GSE1: variants seen among roughly 807,000 people sequenced by gnomAD.
The protein encoded by GSE1 is Gse1 coiled-coil protein.
A neutral mutation model predicts 112.6 loss-of-function variants in GSE1; 32 were observed. The ratio of observed to expected loss-of-function variants is 0.28; its 90% CI spans 0.21 to 0.38. GSE1 has a LOEUF of 0.38. Among genes scored for constraint, GSE1 ranks in the 10% least tolerant of loss-of-function variants. The pLI is 1.00. For missense variants in GSE1, 2,348 were observed against 1,699.2 expected (o/e 1.38, Z -6.71); for synonymous variants, 1,115 against 735.6 (o/e 1.52, Z -8.35).
chr16:85,544,882 G>A (rs546683781), intron 2 of GSE1, among the ~76,000 whole-genome samples: 4 of 152,352 alleles, frequency 2.6e-5, no homozygotes, highest in South Asian at 2.1e-4. Flanking sequence ...ACAGGACCGC[G>A]GCCGGAGCAG....
intron 1 of GSE1, among the ~76,000 whole-genome samples, chr16:85,190,247 G>A (rs2074794488): frequency 6.6e-6 from 1 of 152,124 alleles, no homozygotes; most frequent in Non-Finnish European, 1.5e-5. Flanking sequence ...ATGAAAACTT[G>A]GATAAGTAAG....
At chr16:85,350,697 CT>C (rs1413077831) in intron 1 of GSE1, among the ~76,000 whole-genome samples, 2 of 152,246 alleles carry the variant, frequency 1.3e-5, no homozygotes, top group Non-Finnish European at 2.9e-5. Context: ...TGTTGAGAAC[CT>C]GCTATGTTCC....
chr16:85,331,149 ATTAT>A lies in GSE1; in HGVS notation c.2284-26299_2284-26296del, dbSNP rs199998231. 4.2e-3 allele frequency among the ~76,000 whole-genome samples: 629 copies of A among 150,120 alleles called. 7 individuals are homozygous for A. Among genetic ancestry groups the A allele is most frequent in the African/African-American group, 0.015 (596 of 41,018 alleles). ...GTTATTATTTATTTTTTAAATTTTT[ATTAT>A]TTATTTATTTATTTTTTGAGACCGA... On this transcript the variant is annotated intron_variant, in intron 1 of 2. Transcript: ENST00000637419.
At chr16:85,292,788 C>T (rs1395557797) in intron 1 of GSE1, among the ~76,000 whole-genome samples, 2 of 152,120 alleles carry the variant, frequency 1.3e-5, no homozygotes, top group African/African-American at 2.4e-5. Flanking sequence ...GTGTACAGTT[C>T]GGGGGCATTT....
intron 1 of GSE1, among the ~76,000 whole-genome samples, chr16:85,596,092 T>G (rs1468541816): frequency 6.6e-6 from 1 of 151,182 alleles, no homozygotes; most frequent in African/African-American, 2.4e-5. Context: ...ACCCATGCAC[T>G]CATCCACTGT....
At chr16:85,362,607 A>C (rs1240085052) in intron 2 of GSE1, among the ~76,000 whole-genome samples, 1 of 152,170 alleles carries the variant, frequency 6.6e-6, no homozygotes, top group Non-Finnish European at 1.5e-5. Flanking sequence ...GTGACATTGG[A>C]TGAACATTGA....
rs546746232 is a variant in GSE1, at chr16:85,340,337, G to A, written c.2284-17126G>A. Reference sequence around the variant, plus strand: ...TGCACTCCAGCCTAGGTGACAGAATGAGACCCTGTCTTAAAAACAAAGGCG... The same window carrying A: ...TGCACTCCAGCCTAGGTGACAGAATAAGACCCTGTCTTAAAAACAAAGGCG... On this transcript the variant is annotated intron_variant, in intron 1 of 2. Transcript: ENST00000637419. 1.1e-4 allele frequency among the ~76,000 whole-genome samples: 16 copies of A among 152,214 alleles called. 1 individual carries two copies. In the South Asian group the frequency reaches 3.3e-3, roughly 32 times the overall value.
intron 2 of GSE1, among the ~76,000 whole-genome samples, chr16:85,531,526 C>T (rs1004233336): frequency 2.0e-5 from 3 of 152,186 alleles, no homozygotes; most frequent in Non-Finnish European, 2.9e-5. Flanking sequence ...TTGGCCCAGC[C>T]TCTGCTAAAA....
upstream of GSE1, chr16:85,611,599 G>C (rs1288722605): frequency 2.1e-5 from 12 of 560,654 alleles, no homozygotes; most frequent in East Asian, 1.6e-3. Context: ...GGTCTGCCCG[G>C]AGCCTTGTGC....
upstream of GSE1, among the ~76,000 whole-genome samples, chr16:85,551,961 C>T (rs1040174395): frequency 2.6e-5 from 4 of 152,254 alleles, no homozygotes; most frequent in Non-Finnish European, 4.4e-5. Context: ...GCCTACCCAC[C>T]GCCAGCCAGG....
chr16:85,668,808 C>T (rs2053094635), intron 14 of GSE1, among the ~76,000 whole-genome samples: 1 of 152,216 alleles, frequency 6.6e-6, no homozygotes, highest in Admixed American at 6.5e-5. Flanking sequence ...TCCAGCATGC[C>T]TCTTGCCTAG....
chr16:85,271,520 C>A (rs1473444979), intron 1 of GSE1, among the ~76,000 whole-genome samples: 3 of 152,192 alleles, frequency 2.0e-5, no homozygotes. Context: ...AGAGGCATCC[C>A]CAAAGCCCGA....
intron 7 of GSE1, 25 bp downstream of exon 7, chr16:85,656,690 C>A (rs1271225315): frequency 6.8e-7 from 1 of 1,476,274 alleles, no homozygotes; most frequent in Non-Finnish European, 9.0e-7. Context: ...GTGGGCTGTG[C>A]TGGGCAAGGT....
At chr16:85,260,215 T>C (rs1386117833) in intron 1 of GSE1, among the ~76,000 whole-genome samples, 17 of 152,190 alleles carry the variant, frequency 1.1e-4, no homozygotes, top group East Asian at 1.9e-4. Flanking sequence ...CCTGACAGTC[T>C]AGTTGCCTCT....
chr16:85,271,352 A>G (rs147438862), intron 1 of GSE1, among the ~76,000 whole-genome samples: 2 of 152,210 alleles, frequency 1.3e-5, no homozygotes, highest in South Asian at 2.1e-4. Flanking sequence ...CTCTGCTCAC[A>G]TGAATGGCTC....
At chr16:85,556,492 A>T (rs2045219987) in intron 1 of GSE1, 1 of 202,576 alleles carries the variant, frequency 4.9e-6, no homozygotes, top group African/African-American at 2.4e-5. Context: ...TGCCCCCCGC[A>T]GACGCGCGCG....
At chr16:85,264,299 T>C (rs1394591234) in intron 1 of GSE1, among the ~76,000 whole-genome samples, 4 of 152,106 alleles carry the variant, frequency 2.6e-5, no homozygotes, top group Admixed American at 1.3e-4. Flanking sequence ...CCTAGCTTAA[T>C]AGCACAAGGA....
At chr16:85,494,453 C>CT (rs55779671) in intron 2 of GSE1, among the ~76,000 whole-genome samples, 84,436 of 142,806 alleles carry the variant, frequency 0.59, 25,468 homozygotes, top group African/African-American at 0.75. Context: ...ATAAGGTCAC[C>CT]TTTTTTTTTT....
intron 2 of GSE1, among the ~76,000 whole-genome samples, chr16:85,420,846 T>G (rs73259364): frequency 0.038 from 5,722 of 152,154 alleles, 153 homozygotes; most frequent in Non-Finnish European, 0.057. Flanking sequence ...AGCCTGGAGC[T>G]GCAGTGCCGC....
Sources: allele counts gnomAD v4.1 joint callset (sites outside exome capture counted in the v4.1 genomes callset), GRCh38; gene constraint gnomAD v4.1.1; transcripts MANE v1.5; gene names NCBI Gene and HGNC (gene_info 2026-07-23, HGNC 2026-07-21).